Variants in RGL1 observed in about 807,000 individuals in gnomAD.
The protein encoded by RGL1 is ral guanine nucleotide dissociation stimulator-like 1.
A neutral mutation model predicts 95.2 loss-of-function variants in RGL1; 24 were observed. The observed-to-expected ratio is 0.25, with a 90% CI of 0.18 to 0.35. RGL1 has a LOEUF of 0.35. Among genes scored for constraint, RGL1 ranks in the 10% least tolerant of loss-of-function variants. The pLI, the probability that RGL1 is intolerant of heterozygous loss-of-function variation, is 1.00. For synonymous variants in RGL1, 329 were observed against 344.9 expected (o/e 0.95, Z 0.51); for missense variants, 715 against 936.3 (o/e 0.76, Z 3.08).
At chr1:183,749,857 T>C (rs948174752) in intron 2 of RGL1, among the ~76,000 whole-genome samples, 1 of 152,218 alleles carries the variant, frequency 6.6e-6, no homozygotes, top group Non-Finnish European at 1.5e-5. Flanking sequence ...GGGTTGAAAA[T>C]TCTTTTCCTT....
chr1:183,864,927 G>A (rs9425322), intron 3 of RGL1, among the ~76,000 whole-genome samples: 18,942 of 152,170 alleles, frequency 0.12, 1,316 homozygotes, highest in Non-Finnish European at 0.16. Flanking sequence ...GAACCATAAG[G>A]GTACTGGGCC....
At chr1:183,742,173 G>C in exon 2 of RGL1, 1 of 1,614,084 alleles carries the variant, frequency 6.2e-7, no homozygotes, top group Non-Finnish European at 8.5e-7. Context: ...GGTGAAACCT[G>C]TGGGAGAACC....
chr1:183,719,905 C>A (rs901183310), intron 1 of RGL1, among the ~76,000 whole-genome samples: 2 of 149,540 alleles, frequency 1.3e-5, no homozygotes, highest in African/African-American at 4.9e-5. Context: ...GACTCCATCT[C>A]AAAAAAAATG....
chr1:183,647,596 C>T, intron 1 of RGL1: 2 of 1,496,434 alleles, frequency 1.3e-6, no homozygotes. Flanking sequence ...TGGCTCAGCC[C>T]TGAGAGAGAA....
intron 15 of RGL1, among the ~76,000 whole-genome samples, chr1:183,912,538 T>C (rs1668708727): frequency 6.6e-6 from 1 of 152,224 alleles, no homozygotes; most frequent in African/African-American, 2.4e-5. Flanking sequence ...TTAGGGGAAG[T>C]AGGACTTCTT....
chr1:183,685,683 G>A (rs974110664), intron 1 of RGL1, among the ~76,000 whole-genome samples: 1 of 152,158 alleles, frequency 6.6e-6, no homozygotes, highest in African/African-American at 2.4e-5. Flanking sequence ...AATAAGGTAA[G>A]CAGCTATAGA....
chr1:183,872,188 A>G (rs1666220370), intron 4 of RGL1, among the ~76,000 whole-genome samples: 1 of 152,130 alleles, frequency 6.6e-6, no homozygotes, highest in Non-Finnish European at 1.5e-5. Context: ...AATTGTCTCT[A>G]GGGCAGATTT....
At chr1:183,805,377 C>A in intron 1 of RGL1, 53 bp downstream of exon 1, 1 of 1,521,542 alleles carries the variant, frequency 6.6e-7, no homozygotes, top group Non-Finnish European at 9.1e-7. Context: ...GGAATCTTCT[C>A]CCGCTTTCGC....
intron 2 of RGL1, among the ~76,000 whole-genome samples, chr1:183,815,905 G>A (rs1279729311): frequency 1.3e-5 from 2 of 152,160 alleles, no homozygotes; most frequent in African/African-American, 4.8e-5. Flanking sequence ...AGAGACCTGG[G>A]TGGCTTTCTT....
chr1:183,870,275 G>C (rs1023071228), intron 4 of RGL1, among the ~76,000 whole-genome samples: 2 of 151,970 alleles, frequency 1.3e-5, no homozygotes, highest in Middle Eastern at 3.2e-3. Flanking sequence ...CGGTCTTCAG[G>C]GGTATGTGTC....
chr1:183,677,720 T>A (rs1652926297), intron 1 of RGL1, among the ~76,000 whole-genome samples: 1 of 152,174 alleles, frequency 6.6e-6, no homozygotes, highest in Non-Finnish European at 1.5e-5. Context: ...TCCCTCAAAT[T>A]AGGGGTGTTG....
At chr1:183,834,279 T>C (rs1220111553) in intron 2 of RGL1, among the ~76,000 whole-genome samples, 1 of 152,130 alleles carries the variant, frequency 6.6e-6, no homozygotes, top group Non-Finnish European at 1.5e-5. Context: ...AAAGGAATTA[T>C]CCTAGCTCAC....
chr1:183,882,744 G>T (rs146663396), intron 5 of RGL1, among the ~76,000 whole-genome samples: 1 of 152,150 alleles, frequency 6.6e-6, no homozygotes, highest in Non-Finnish European at 1.5e-5. Flanking sequence ...GTGGTGTAGG[G>T]TCCACTCTCG....
At chr1:183,922,165 A>T (rs1357811989) in intron 16 of RGL1, 57 bp from the exon 17 acceptor site, 2 of 1,390,444 alleles carry the variant, frequency 1.4e-6, no homozygotes, top group Non-Finnish European at 2.0e-6. Context: ...GGTCAGGAGA[A>T]CTCCCTCAGG....
intron 2 of RGL1, among the ~76,000 whole-genome samples, chr1:183,744,069 A>G (rs556841712): frequency 2.6e-5 from 4 of 152,292 alleles, no homozygotes; most frequent in East Asian, 3.9e-4. Flanking sequence ...GGGAGAGAGG[A>G]GCTCATTGCC....
At chr1:183,884,702 T>G (rs1468864723) in intron 6 of RGL1, 21 bp from the exon 7 acceptor site, 4 of 1,606,104 alleles carry the variant, frequency 2.5e-6, no homozygotes, top group Non-Finnish European at 3.4e-6. Context: ...GTCCTTAAAG[T>G]CAGTTCCTCT....
chr1:183,906,468 A>G (rs1479115578), intron 13 of RGL1, among the ~76,000 whole-genome samples: 1 of 151,804 alleles, frequency 6.6e-6, no homozygotes, highest in African/African-American at 2.4e-5. Context: ...CATCTCTACT[A>G]AAATAAATAA....
At chr1:183,844,247 GA>G in intron 2 of RGL1, among the ~76,000 whole-genome samples, 1 of 152,242 alleles carries the variant, frequency 6.6e-6, no homozygotes, top group African/African-American at 2.4e-5. Flanking sequence ...TATTAATAAA[GA>G]GATCAAAGGA....
chr1:183,700,014 T>A (rs921538512), intron 1 of RGL1, among the ~76,000 whole-genome samples: 22 of 152,178 alleles, frequency 1.4e-4, no homozygotes, highest in African/African-American at 5.3e-4. Flanking sequence ...GTATATCAGA[T>A]GTGGTGTTTT....
Sources: allele counts gnomAD v4.1 joint callset (sites outside exome capture counted in the v4.1 genomes callset), GRCh38; gene constraint gnomAD v4.1.1; transcripts MANE v1.5; gene names NCBI Gene and HGNC (gene_info 2026-07-23, HGNC 2026-07-21).